The following POLR3B variants were observed in gnomAD, a reference collection of about 807,000 sequenced individuals.
POLR3B encodes the protein RNA polymerase III subunit B.
Under a neutral mutation model 147.4 loss-of-function variants are expected in POLR3B, and 96 were observed. The observed-to-expected ratio is 0.65, with a 90% CI of 0.55 to 0.77. The LOEUF (loss-of-function observed/expected upper bound fraction) is 0.77, where lower values mean the gene tolerates loss of function less well. Among genes scored for constraint, POLR3B ranks in the 30% least tolerant of loss-of-function variants. The pLI is 0.00. For synonymous variants in POLR3B, 461 were observed against 485.9 expected (o/e 0.95, Z 0.67); for missense variants, 1,036 against 1,413.5 (o/e 0.73, Z 4.28).
Position 106,501,355 on chromosome 12 carries a change from C to G in POLR3B, c.3017C>G (p.Pro1006Arg). 1.9e-6 allele frequency: 3 copies of G among 1,613,430 alleles called. No individual in the cohort carries two copies. Among genetic ancestry groups the G allele is most frequent in the Non-Finnish European group, 2.5e-6 (3 of 1,179,368 alleles). Residue 1006 changes from proline (P) to arginine (R), a missense_variant, in exon 26 of 28, where the codon CCC (proline) becomes CGC (arginine). Around this residue, in one of 12 missense-constraint regions of POLR3B, gnomAD observed 88 missense variants for 87.5 expected, o/e 1.01. Coordinates refer to ENST00000228347, the MANE Select transcript of POLR3B (RefSeq NM_018082.6). ...TTAGAAGCATACATCTATTTTGGCC[C>G]CGTGTACTATCAGAAGCTGAAACAC... ...EPLEAYIYFG[P>R]VYYQKLKHMV...
intron 20 of POLR3B, 50 bp from the exon 21 acceptor site, chr12:106,457,088 A>T: frequency 6.6e-7 from 1 of 1,519,816 alleles, no homozygotes; most frequent in Non-Finnish European, 9.1e-7. Flanking sequence ...ATATTTCCTT[A>T]TAGCTTTGGG....
intron 7 of POLR3B, 75 bp downstream of exon 7, chr12:106,376,525 G>T: frequency 9.2e-7 from 1 of 1,088,034 alleles, no homozygotes; most frequent in Non-Finnish European, 1.4e-6. Flanking sequence ...TTAACATTTT[G>T]TCTCAAAAAC....
intron 19 of POLR3B, among the ~76,000 whole-genome samples, chr12:106,448,451 T>C (rs1195047426): frequency 4.5e-4 from 61 of 136,332 alleles, no homozygotes; most frequent in African/African-American, 1.6e-3. Context: ...TTTTTTTTTT[T>C]TTTTTGAGAT....
At chr12:106,413,762 C>T (rs890113319) in intron 12 of POLR3B, among the ~76,000 whole-genome samples, 1 of 151,936 alleles carries the variant, frequency 6.6e-6, no homozygotes. Flanking sequence ...GCCTATTCTC[C>T]CTTTTTTCTG....
At chr12:106,402,896 T>C (rs1318246344) in intron 10 of POLR3B, among the ~76,000 whole-genome samples, 1 of 152,186 alleles carries the variant, frequency 6.6e-6, no homozygotes, top group Non-Finnish European at 1.5e-5. Context: ...GACATAGGCA[T>C]GGGCAGGGAC....
At chr12:106,489,226 G>A (rs1045089666) in intron 23 of POLR3B, among the ~76,000 whole-genome samples, 5 of 152,168 alleles carry the variant, frequency 3.3e-5, no homozygotes, top group African/African-American at 9.7e-5. Context: ...AATGGCATAC[G>A]CTCCCTAAAT....
chr12:106,500,507 C>T (rs948906535), intron 25 of POLR3B, among the ~76,000 whole-genome samples: 9 of 152,080 alleles, frequency 5.9e-5, no homozygotes, highest in Non-Finnish European at 7.4e-5. Context: ...ATGTACACCA[C>T]GGTATCAAAA....
chr12:106,427,440 G>A, intron 13 of POLR3B, 82 bp downstream of exon 13: 1 of 1,206,230 alleles, frequency 8.3e-7, no homozygotes, highest in African/African-American at 1.5e-5. Flanking sequence ...AGCACTTTGA[G>A]AATCCAGGTG....
Position 106,362,911 on chromosome 12 carries a change from C to T in POLR3B, c.73-959C>T, listed in dbSNP as rs76351518. Among the ~76,000 whole-genome samples, 833 of 151,924 alleles carry T rather than the reference C, an allele frequency of 5.5e-3. 17 individuals are homozygous for T. Among genetic ancestry groups the T allele is most frequent in the East Asian group, 0.05 (258 of 5,174 alleles). On this transcript the variant is annotated intron_variant, in intron 1 of 27. Coordinates refer to ENST00000228347, the MANE Select transcript of POLR3B (RefSeq NM_018082.6). Reference sequence around the variant, plus strand: ...TGCTCTATGTGGACATTGCATCACCCCAGAAAGTTCCCTTATGACCCTTTT... The same window carrying T: ...TGCTCTATGTGGACATTGCATCACCTCAGAAAGTTCCCTTATGACCCTTTT...
At position 106,379,984 on chromosome 12, in the gene POLR3B, T is replaced by C. The variant is rs1350217933; in HGVS notation, c.615-47T>C. On this transcript the variant is annotated intron_variant, in intron 8 of 27. Transcript: ENST00000228347. ...TTGCTATTATTGCATGTTACTAGCT[T>C]GAAACTAAGTGGGGATGCAGTTTAA... The C allele has an allele frequency of 4.6e-6, 5 of 1,080,432 alleles. 1 individual carries two copies. The highest frequency in any genetic ancestry group is 7.2e-6 in the Non-Finnish European group (5 of 695,208). The allele number at this position is 1,080,432 out of a possible 1,614,324, so 66.9% of individuals were successfully genotyped here. A position where few individuals can be genotyped will look rare whatever the true frequency, so the allele number is the denominator to read the frequency against.
At chr12:106,405,733 C>T (rs1484326057) in intron 10 of POLR3B, 124 bp from the exon 11 acceptor site, 1 of 891,160 alleles carries the variant, frequency 1.1e-6, no homozygotes, top group Non-Finnish European at 1.8e-6. Flanking sequence ...CAACTAGACC[C>T]AGTACAGCTT....
At chr12:106,502,515 A>G (rs952890632) in intron 26 of POLR3B, among the ~76,000 whole-genome samples, 1 of 152,230 alleles carries the variant, frequency 6.6e-6, no homozygotes, top group Non-Finnish European at 1.5e-5. Flanking sequence ...CACAGGTGGC[A>G]TCAGCAAGCA....
intron 16 of POLR3B, among the ~76,000 whole-genome samples, chr12:106,436,454 C>T (rs999675824): frequency 2.5e-4 from 38 of 152,202 alleles, no homozygotes; most frequent in African/African-American, 8.7e-4. Context: ...TCATTCTCTG[C>T]CAACTTTTAG....
intron 23 of POLR3B, among the ~76,000 whole-genome samples, chr12:106,469,223 G>T (rs1429545474): frequency 2.0e-5 from 3 of 147,490 alleles, no homozygotes. Context: ...TTTGATTTTT[G>T]TTGGTTTAAA....
intron 23 of POLR3B, among the ~76,000 whole-genome samples, chr12:106,486,369 G>T (rs1387085507): frequency 6.6e-6 from 1 of 151,366 alleles, no homozygotes; most frequent in Non-Finnish European, 1.5e-5. Flanking sequence ...CTACAGCTTG[G>T]TGCTGGCAGA....
chr12:106,388,303 C>G (rs1347417665), intron 9 of POLR3B, among the ~76,000 whole-genome samples: 1 of 151,252 alleles, frequency 6.6e-6, no homozygotes, highest in East Asian at 2.0e-4. Context: ...TTCCTGGAAA[C>G]TAACTTATAT....
In POLR3B at chr12:106,496,120, A is replaced by G. The variant is rs1192709251; in HGVS notation, c.2779A>G (p.Ile927Val). 2.5e-6 allele frequency: 4 copies of G among 1,612,768 alleles called. No individual in the cohort carries two copies. Among genetic ancestry groups the G allele is most frequent in the Non-Finnish European group, 3.4e-6 (4 of 1,178,846 alleles). Residue 927 changes from isoleucine (I) to valine (V), a missense_variant, in exon 24 of 28, where the codon ATC (isoleucine) becomes GTC (valine). By Grantham distance (29) the Ile-to-Val change is conservative. This residue lies in a region of POLR3B where 15 missense variants were observed against 38.1 expected (regional missense o/e 0.39). Coordinates refer to ENST00000228347, the MANE Select transcript of POLR3B (RefSeq NM_018082.6). ...PFCDSGICPD[I>V]IMNPHGFPSR... ...TTGTGATTCTGGCATCTGTCCGGAC[A>G]TCATCATGAACCCACACGGCTTCCC...
At position 106,433,864 on chromosome 12, in the gene POLR3B, G is replaced by T. The variant is rs1403577930; in HGVS notation, c.1773G>T (p.Arg591Ser). 6.2e-7 allele frequency: 1 copy of T among 1,613,104 alleles called. No homozygotes were observed. The change falls in exon 16 of 28, where the codon AGG (arginine) becomes AGT (serine). Residue 591 changes from arginine (R) to serine (S), a missense_variant. Physicochemically the swap from Arg to Ser is moderately radical, Grantham distance 110. Coordinates refer to ENST00000228347, the MANE Select transcript of POLR3B (RefSeq NM_018082.6). ...RCVYISSDGG[R>S]LCRPYIIVKK... Reference sequence around the variant, plus strand: ...TCTATATTTCTTCTGATGGGGGAAGGCTATGCAGGTATATATGCAGGTTAC... The same window carrying T: ...TCTATATTTCTTCTGATGGGGGAAGTCTATGCAGGTATATATGCAGGTTAC...
intron 20 of POLR3B, among the ~76,000 whole-genome samples, chr12:106,455,807 G>C (rs536160454): frequency 6.6e-6 from 1 of 152,292 alleles, no homozygotes; most frequent in South Asian, 2.1e-4. Flanking sequence ...GAGCCATGAT[G>C]ACTACGGCCT....
Sources: allele counts gnomAD v4.1 joint callset (sites outside exome capture counted in the v4.1 genomes callset), GRCh38; gene constraint gnomAD v4.1.1; regional missense constraint gnomAD v4.1.1; transcripts MANE v1.5; gene names NCBI Gene and HGNC (gene_info 2026-07-23, HGNC 2026-07-21).